The following PTBP2 variants were observed in gnomAD, a reference collection of about 807,000 sequenced individuals.
PTBP2 encodes the protein polypyrimidine tract-binding protein 2.
In PTBP2, 13 loss-of-function variants were observed where a neutral mutation model predicts 61.4. That is an observed-to-expected ratio of 0.21 (90% CI 0.14 to 0.34). PTBP2 has a LOEUF of 0.34. PTBP2 is among the 10% of genes least tolerant of loss of function. The pLI is 1.00. For synonymous variants in PTBP2, 215 were observed against 218.5 expected, an observed-to-expected ratio of 0.98 and a Z score of 0.14; for missense variants, 405 against 642.6, an observed-to-expected ratio of 0.63 and a Z score of 4.00.
At chr1:96,760,026 G>T (rs1310439179) in intron 3 of PTBP2, among the ~76,000 whole-genome samples, 1 of 152,112 alleles carries the variant, frequency 6.6e-6, no homozygotes, top group East Asian at 1.9e-4. Context: ...TCACTGTCAC[G>T]AGAACAGCAT....
chr1:96,779,327 C>T (rs12041765), intron 7 of PTBP2, among the ~76,000 whole-genome samples: 6 of 152,132 alleles, frequency 3.9e-5, no homozygotes, highest in East Asian at 1.9e-4. Flanking sequence ...TAAATATAGT[C>T]TACATTTTTC....
rs1649587807 is a variant in PTBP2 at position 96,721,813 on chromosome 1, T to C, written c.-52T>C. ...GCCATTTTCTCGCCGCTTGTGTGGC[T>C]CGCTGGCTGCGTGGCTCGGTTCTTG... On this transcript the variant is annotated 5_prime_UTR_variant, in exon 1 of 14. Transcript: ENST00000674951. 1 of 1,553,300 alleles carries C rather than the reference T, an allele frequency of 6.4e-7. No individual in the cohort carries two copies. Among genetic ancestry groups the C allele is most frequent in the Non-Finnish European group, 8.7e-7 (1 of 1,147,746 alleles).
At chr1:96,781,795 A>T (rs1052722566) in intron 7 of PTBP2, among the ~76,000 whole-genome samples, 1 of 152,028 alleles carries the variant, frequency 6.6e-6, no homozygotes, top group Non-Finnish European at 1.5e-5. Context: ...ATTCAGGGTG[A>T]AAATCAGAAG....
At chr1:96,820,167 GTTCCA>G (rs1186242164) in exon 14 of PTBP2, 1 of 151,994 alleles carries the variant, frequency 6.6e-6, no homozygotes, top group Non-Finnish European at 1.5e-5. Context: ...GTGAAATACT[GTTCCA>G]TTCCATTAGT....
intron 7 of PTBP2, among the ~76,000 whole-genome samples, chr1:96,784,437 C>T (rs777479997): frequency 2.0e-5 from 3 of 152,046 alleles, no homozygotes; most frequent in South Asian, 2.1e-4. Context: ...ACCTGGCACT[C>T]GTCAGTTTCA....
chr1:96,735,516 T>C (rs537996817), intron 2 of PTBP2, among the ~76,000 whole-genome samples: 3 of 152,168 alleles, frequency 2.0e-5, no homozygotes, highest in Non-Finnish European at 1.5e-5. Flanking sequence ...AAAAGACTTA[T>C]GCTGAAAGGA....
At chr1:96,734,985 T>A (rs1185464809) in intron 2 of PTBP2, among the ~76,000 whole-genome samples, 1 of 148,340 alleles carries the variant, frequency 6.7e-6, no homozygotes, top group East Asian at 2.0e-4. Context: ...TGGCCCAATC[T>A]CAGCTCAGTG....
chr1:96,749,376 G>A (rs149897401), intron 2 of PTBP2, among the ~76,000 whole-genome samples: 1 of 152,286 alleles, frequency 6.6e-6, no homozygotes, highest in African/African-American at 2.4e-5. Flanking sequence ...TTGAAAAGAG[G>A]TCAAGTATAT....
intron 2 of PTBP2, among the ~76,000 whole-genome samples, chr1:96,728,300 A>C (rs1570693061): frequency 6.6e-6 from 1 of 152,274 alleles, no homozygotes; most frequent in East Asian, 1.9e-4. Flanking sequence ...TTTGTTTTCT[A>C]ATAGAAGTTT....
intron 8 of PTBP2, among the ~76,000 whole-genome samples, chr1:96,798,211 G>C (rs1363553660): frequency 2.0e-5 from 3 of 151,920 alleles, no homozygotes; most frequent in African/African-American, 7.3e-5. Flanking sequence ...TTCAAAACCA[G>C]CCTGGCCAAC....
intron 8 of PTBP2, among the ~76,000 whole-genome samples, chr1:96,797,236 A>T (rs1225851079): frequency 2.0e-5 from 3 of 152,192 alleles, no homozygotes; most frequent in Non-Finnish European, 2.9e-5. Context: ...GTGGCACATG[A>T]TGCATCCTTA....
chr1:96,799,323 TCTTGCTCTGTCGCCCAGG>T (rs1308054426), intron 8 of PTBP2, among the ~76,000 whole-genome samples: 1 of 127,072 alleles, frequency 7.9e-6, no homozygotes, highest in Non-Finnish European at 1.6e-5. Flanking sequence ...TGAGATGGAG[TCTTGCTCTGTCGCCCAGG>T]CTGGAGTGCA....
intron 5 of PTBP2, among the ~76,000 whole-genome samples, chr1:96,774,112 C>G (rs1046465114): frequency 6.9e-6 from 1 of 145,846 alleles, no homozygotes; most frequent in Non-Finnish European, 1.5e-5. Context: ...AAGCAAGACA[C>G]AGTCTCTTAA....
chr1:96,722,834 T>G (rs1019818341), intron 1 of PTBP2, among the ~76,000 whole-genome samples: 4 of 152,148 alleles, frequency 2.6e-5, no homozygotes, highest in Non-Finnish European at 5.9e-5. Flanking sequence ...GGGACCGATG[T>G]CTCGCTCATA....
At chr1:96,808,808 CAA>C (rs869232164) in intron 11 of PTBP2, among the ~76,000 whole-genome samples, 1 of 148,450 alleles carries the variant, frequency 6.7e-6, no homozygotes, top group Non-Finnish European at 1.5e-5. Flanking sequence ...CACACACACA[CAA>C]ACACACACAC....
At chr1:96,756,506 C>T (rs926602172) in intron 3 of PTBP2, among the ~76,000 whole-genome samples, 1 of 152,158 alleles carries the variant, frequency 6.6e-6, no homozygotes, top group Non-Finnish European at 1.5e-5. Context: ...GTTTATAGCA[C>T]CTTTCTTTAT....
chr1:96,799,720 C>T (rs999047557), intron 8 of PTBP2, among the ~76,000 whole-genome samples: 3 of 151,816 alleles, frequency 2.0e-5, no homozygotes. Flanking sequence ...CTCAAAGGGC[C>T]CTTGGTAAGT....
intron 8 of PTBP2, among the ~76,000 whole-genome samples, chr1:96,800,607 G>A (rs895551876): frequency 2.6e-5 from 4 of 151,902 alleles, no homozygotes; most frequent in Admixed American, 1.3e-4. Context: ...GGTGGCATGT[G>A]CCTGTAGTCC....
Position 96,773,615 on chromosome 1 carries a change from CT to C in PTBP2, c.432+2765del, listed in dbSNP as rs576965534. Among the ~76,000 whole-genome samples the C allele has an allele frequency of 3.1e-3, 471 of 152,166 alleles. 3 individuals are homozygous for C. The highest frequency in any genetic ancestry group is 0.027 in the Middle Eastern group (8 of 294). On this transcript the variant is annotated intron_variant, in intron 5 of 13. Transcript: ENST00000674951. ...AAAGTAATGAAGAGCGTTTACTAAG[CT>C]GTTACCCCCATTCCCCCCAAATACC... is the stretch of plus-strand genomic sequence containing the variant.
Sources: allele counts gnomAD v4.1 joint callset (sites outside exome capture counted in the v4.1 genomes callset), GRCh38; gene constraint gnomAD v4.1.1; transcripts MANE v1.5; gene names NCBI Gene and HGNC (gene_info 2026-07-23, HGNC 2026-07-21).